Variants in MTERF3 observed in about 807,000 individuals in gnomAD.
MTERF3 encodes transcription termination factor 3, mitochondrial.
A neutral mutation model predicts 40.5 loss-of-function variants in MTERF3; 40 were observed. The observed-to-expected ratio is 0.99, with a 90% confidence interval of 0.77 to 1.29. The LOEUF is 1.29. MTERF3 is among the 50% of genes most tolerant of loss of function. The pLI is 0.00. For synonymous variants in MTERF3, 158 were observed against 166.6 expected, an observed-to-expected ratio of 0.95 and a Z score of 0.40; for missense variants, 452 against 478.2, an observed-to-expected ratio of 0.95 and a Z score of 0.51.
Position 96,258,562 on chromosome 8 carries a change from A to C in MTERF3, c.129T>G (p.Ala43=), listed in dbSNP as rs750085247. The change falls in exon 2 of 8, where the codon GCT becomes GCG. Residue 43 remains alanine, a synonymous_variant. Coordinates refer to ENST00000287025, the MANE Select transcript of MTERF3 (RefSeq NM_015942.5). ...AATTGTCAGAGGATATCTGAGGCTG[A>C]GCAGAAAAGCCATGTAACAGTGTTC... The part of the protein sequence containing the change: ...PARTLLHGFS[A]QPQISSDNCF... The C allele has an allele frequency of 6.2e-7, 1 of 1,614,188 alleles. No homozygotes were observed. The highest frequency in any genetic ancestry group is 8.5e-7 in the Non-Finnish European group (1 of 1,180,006).
intron 4 of MTERF3, among the ~76,000 whole-genome samples, chr8:96,250,635 GA>G (rs1360830581): frequency 4.7e-5 from 1 of 21,076 alleles, no homozygotes; most frequent in African/African-American, 2.3e-4. Flanking sequence ...AGAAGAAGAA[GA>G]AGAAGAAGAA....
rs1243706949 is a variant in MTERF3 at position 96,258,581 on chromosome 8, A to T, written c.110T>A (p.Leu37Gln). The change falls in exon 2 of 8, where the codon CTG becomes CAG. Residue 37 changes from leucine to glutamine, a missense_variant. Coordinates refer to ENST00000287025, the MANE Select transcript of MTERF3 (RefSeq NM_015942.5). Reference sequence around the variant, plus strand: ...AGGCTGAGCAGAAAAGCCATGTAACAGTGTTCTTGCTGGTCTAGTAAAACG... The same window carrying T: ...AGGCTGAGCAGAAAAGCCATGTAACTGTGTTCTTGCTGGTCTAGTAAAACG... ...TKRFTRPARTLLHGFSAQPQI... is the reference protein window; with the variant it reads ...TKRFTRPARTQLHGFSAQPQI... 4 of 1,614,042 alleles carry T rather than the reference A, an allele frequency of 2.5e-6. No individual in the cohort carries two copies. In the Admixed American group the frequency reaches 6.7e-5, roughly 27 times the overall value.
At chr8:96,243,838 G>C in intron 7 of MTERF3, 81 bp downstream of exon 7, 1 of 1,447,586 alleles carries the variant, frequency 6.9e-7, no homozygotes. Flanking sequence ...TCTTCCCAGC[G>C]TACAGAACTA....
intron 3 of MTERF3, among the ~76,000 whole-genome samples, chr8:96,255,468 G>A (rs186689504): frequency 1.1e-4 from 16 of 151,968 alleles, no homozygotes; most frequent in African/African-American, 3.4e-4. Context: ...GTGAAACCTC[G>A]TCTCTACTAA....
intron 1 of MTERF3, among the ~76,000 whole-genome samples, chr8:96,261,196 G>A (rs1452740608): frequency 6.6e-6 from 1 of 152,204 alleles, no homozygotes; most frequent in Admixed American, 6.5e-5. Flanking sequence ...GGTTATGGGG[G>A]CAGCTTCCTA....
intron 4 of MTERF3, 117 bp from the exon 5 acceptor site, chr8:96,246,571 A>C: frequency 2.4e-6 from 2 of 840,038 alleles, no homozygotes; most frequent in Admixed American, 3.6e-5. Flanking sequence ...CCCACACCCT[A>C]AATTACTAAC....
Position 96,240,689 on chromosome 8 carries a change from G to C in MTERF3, c.1060-1004C>G, listed in dbSNP as rs73269979. Among the ~76,000 whole-genome samples, 954 of 152,286 alleles carry C rather than the reference G, an allele frequency of 6.3e-3. 6 individuals are homozygous for C. Among genetic ancestry groups the C allele is most frequent in the African/African-American group, 0.022 (906 of 41,552 alleles). On this transcript the variant is annotated intron_variant, in intron 7 of 7. Transcript: ENST00000287025. ...GACTTGAGCTACAGCCCTGAAGCCT[G>C]AGAGACCTGTGAGGTTCCCCGATGA...
Position 96,243,942 on chromosome 8 carries a change from G to C in MTERF3, c.1036C>G (p.His346Asp). 8 of 1,614,034 alleles carry C rather than the reference G, an allele frequency of 5.0e-6. No individual in the cohort carries two copies. Among genetic ancestry groups the C allele is most frequent in the Non-Finnish European group, 6.8e-6 (8 of 1,179,984 alleles). The change falls in exon 7 of 8, where the codon CAC (histidine) becomes GAC (aspartate). Residue 346 changes from histidine (H) to aspartate (D), a missense_variant. Coordinates refer to ENST00000287025, the MANE Select transcript of MTERF3 (RefSeq NM_015942.5). Reference sequence around the variant, plus strand: ...ACCTGTGGGAACTTGACAATGATGTGGTGGGGAATGCTCATCACATTGTGC... The same window carrying C: ...ACCTGTGGGAACTTGACAATGATGTCGTGGGGAATGCTCATCACATTGTGC... ...FVHNVMSIPH[H>D]IIVKFPQVFN...
At position 96,246,328 on chromosome 8, in the gene MTERF3, T is replaced by A; in HGVS notation, c.804A>T (p.Glu268Asp). The change falls in exon 5 of 8, where the codon GAA becomes GAT. Residue 268 changes from glutamate (E) to aspartate (D), a missense_variant. Physicochemically the swap from Glu to Asp is conservative, Grantham distance 45 (BLOSUM62 2). Transcript: ENST00000287025. ...TTACCTTCTTCACACTAAGTTCAAG[T>A]TCTTTCTGAAAAAATCCCAATCTGT... ...LDNRLGFFQK[E>D]LELSVKKTRD... 6.2e-7 allele frequency: 1 copy of A among 1,605,994 alleles called. No homozygotes were observed. Among genetic ancestry groups the A allele is most frequent in the Middle Eastern group, 1.7e-4 (1 of 6,024 alleles).
rs573602868 is a variant in MTERF3, at chr8:96,243,823, T to C, written c.1059+96A>G. On this transcript the variant is annotated intron_variant, in intron 7 of 7. Transcript: ENST00000287025. ...ATGGACATTTGCGCCCTGCAAATTG[T>C]AAACTCTTCCCAGCGTACAGAACTA... is the stretch of plus-strand genomic sequence containing the variant. 8.2e-5 allele frequency: 112 copies of C among 1,363,644 alleles called. No individual in the cohort carries two copies. The African/African-American group carries it at 1.3e-3, about 16-fold the overall frequency. 84.5% of individuals were successfully genotyped at this position (1,363,644 alleles called of 1,614,324 possible).
chr8:96,240,273 C>T (rs1809901644), intron 7 of MTERF3, among the ~76,000 whole-genome samples: 1 of 151,050 alleles, frequency 6.6e-6, no homozygotes, highest in Non-Finnish European at 1.5e-5. Flanking sequence ...GGCAAATCCT[C>T]AAGCCTCACC....
At chr8:96,252,805 AG>A (rs1810210044) in intron 3 of MTERF3, among the ~76,000 whole-genome samples, 1 of 152,258 alleles carries the variant, frequency 6.6e-6, no homozygotes, top group Non-Finnish European at 1.5e-5. Flanking sequence ...TGCTTTGCTC[AG>A]CATGAGCTGT....
At position 96,246,382 on chromosome 8, in the gene MTERF3, C is replaced by T. The variant is rs1275725901; in HGVS notation, c.750G>A (p.Leu250=). 1.2e-6 allele frequency: 2 copies of T among 1,612,648 alleles called. No homozygotes were observed. Among genetic ancestry groups the T allele is most frequent in the Non-Finnish European group, 8.5e-7 (1 of 1,179,630 alleles). The change falls in exon 5 of 8, where the codon TTG becomes TTA. Residue 250 remains leucine (L), a synonymous_variant. Transcript: ENST00000287025. ...VAQMVRKAPF[L]LNFSVERLDN... is the part of the protein sequence containing the mutation. ...CCAGTCTTTCCACTGAAAAGTTCAG[C>T]AAAAATGGTGCTTTTCTGACCATCT...
intron 7 of MTERF3, among the ~76,000 whole-genome samples, chr8:96,243,318 A>G (rs1347490241): frequency 6.6e-6 from 1 of 152,246 alleles, no homozygotes; most frequent in African/African-American, 2.4e-5. Flanking sequence ...CCAATCATTC[A>G]TTTGTTCAAC....
intron 6 of MTERF3, 79 bp downstream of exon 6, chr8:96,245,781 C>T (rs1810009190): frequency 4.8e-6 from 6 of 1,248,948 alleles, no homozygotes; most frequent in Non-Finnish European, 6.8e-6. Flanking sequence ...TTTTACATGA[C>T]AATAGCAAAA....
intron 3 of MTERF3, among the ~76,000 whole-genome samples, chr8:96,252,621 T>C (rs954001423): frequency 6.6e-6 from 1 of 152,214 alleles, no homozygotes; most frequent in Non-Finnish European, 1.5e-5. Flanking sequence ...AATTCTTTTG[T>C]AATTTAAAAA....
At chr8:96,239,739 T>C (rs1048310969) in intron 7 of MTERF3, 54 bp from the exon 8 acceptor site, 99 of 1,441,696 alleles carry the variant, frequency 6.9e-5, no homozygotes, top group Non-Finnish European at 6.0e-5. Flanking sequence ...GGATGAAATA[T>C]TAAAAAGTTT....
rs572192559 is a variant in MTERF3 at position 96,253,084 on chromosome 8, C to T, written c.488-1989G>A. On this transcript the variant is annotated intron_variant, in intron 3 of 7. Transcript: ENST00000287025. ...CTTTACCTCATCAGTTCAGTAATTA[C>T]GAATATTACCATTTTATTCAGTTAT... 1.2e-4 allele frequency among the ~76,000 whole-genome samples: 18 copies of T among 152,256 alleles called. 1 individual carries two copies. Among genetic ancestry groups the T allele is most frequent in the African/African-American group, 2.4e-4 (10 of 41,522 alleles).
At chr8:96,260,552 T>G (rs1452308513) in intron 1 of MTERF3, among the ~76,000 whole-genome samples, 1 of 152,234 alleles carries the variant, frequency 6.6e-6, no homozygotes, top group South Asian at 2.1e-4. Flanking sequence ...GCTCTAACAT[T>G]TTTTGACGTC....
Sources: allele counts gnomAD v4.1 joint callset (sites outside exome capture counted in the v4.1 genomes callset), GRCh38; gene constraint gnomAD v4.1.1; transcripts MANE v1.5; gene names NCBI Gene and HGNC (gene_info 2026-07-23, HGNC 2026-07-21).